The following PLCE1 variants were observed in gnomAD, a reference collection of about 807,000 sequenced individuals.
PLCE1 encodes the protein phospholipase C epsilon 1.
A neutral mutation model predicts 242.8 loss-of-function variants in PLCE1; 119 were observed. The ratio of observed to expected loss-of-function variants is 0.49; its 90% CI spans 0.42 to 0.57. The LOEUF (loss-of-function observed/expected upper bound fraction) is 0.57. Among genes scored for constraint, PLCE1 ranks in the 20% least tolerant of loss-of-function variants. The pLI is 0.00. For missense variants in PLCE1, 2,441 were observed against 2,788.8 expected (o/e 0.88, Z 2.81); for synonymous variants, 945 against 1,017.4 (o/e 0.93, Z 1.35).
chr10:94,171,992 A>G (rs1487126223), intron 4 of PLCE1, among the ~76,000 whole-genome samples: 1 of 152,192 alleles, frequency 6.6e-6, no homozygotes, highest in Non-Finnish European at 1.5e-5. Context: ...GGGGCAGTGA[A>G]TCACCTCGGT....
intron 5 of PLCE1, among the ~76,000 whole-genome samples, chr10:94,229,252 AATT>A (rs1254456114): frequency 7.7e-6 from 1 of 129,180 alleles, no homozygotes; most frequent in African/African-American, 3.0e-5. Context: ...TTAAGAAAAG[AATT>A]ATCATATTTT....
chr10:94,032,166 C>T lies in PLCE1; in HGVS notation c.1120C>T (p.Pro374Ser). The T allele has an allele frequency of 6.2e-7, 1 of 1,610,418 alleles. No individual in the cohort carries two copies. The highest frequency in any genetic ancestry group is 8.5e-7 in the Non-Finnish European group (1 of 1,178,970). ...IDQKRNGPLL[P>S]CGRVMEPPST... Reference sequence around the variant, plus strand: ...TCAGAAGAGAAATGGTCCCTTACTGCCTTGTGGGAGAGTAATGGAACCCCC... The same window carrying T: ...TCAGAAGAGAAATGGTCCCTTACTGTCTTGTGGGAGAGTAATGGAACCCCC... Residue 374 changes from proline to serine, a missense_variant, in exon 2 of 33, where the codon CCT (proline) becomes TCT (serine). Pro to Ser is a moderately conservative substitution (Grantham distance 74, BLOSUM62 -1). Coordinates refer to ENST00000371380, the MANE Select transcript of PLCE1 (RefSeq NM_016341.4).
At chr10:94,050,926 A>T (rs537393713) in intron 2 of PLCE1, among the ~76,000 whole-genome samples, 35 of 152,244 alleles carry the variant, frequency 2.3e-4, no homozygotes, top group African/African-American at 8.2e-4. Flanking sequence ...GCATGAAGTG[A>T]TGGAGAAAAT....
At position 94,259,084 on chromosome 10, in the gene PLCE1, G is replaced by C; in HGVS notation, c.3748G>C (p.Glu1250Gln). Residue 1250 changes from glutamate (E) to glutamine (Q), a missense_variant, in exon 13 of 33, where the codon GAG becomes CAG. By Grantham distance (29) the Glu-to-Gln change is conservative (BLOSUM62 2). This residue lies in a region of PLCE1 where 1,004 missense variants were observed against 1,322.7 expected (regional missense o/e 0.76). Transcript: ENST00000371380. Reference protein sequence around the residue: ...YAVPCNRSGSESAPLYTNLTI... With the variant: ...YAVPCNRSGSQSAPLYTNLTI... ...AGTGCCCTGCAACCGATCTGGCTCCGAGTCAGCCCCACTCTACACCAACCT... is the reference window on the plus strand; with the variant it reads ...AGTGCCCTGCAACCGATCTGGCTCCCAGTCAGCCCCACTCTACACCAACCT... The C allele has an allele frequency of 6.2e-7, 1 of 1,614,004 alleles. No individual in the cohort carries two copies. The highest frequency in any genetic ancestry group is 8.5e-7 in the Non-Finnish European group (1 of 1,179,926).
At chr10:94,204,666 C>T (rs774958758) in intron 4 of PLCE1, among the ~76,000 whole-genome samples, 22 of 140,370 alleles carry the variant, frequency 1.6e-4, no homozygotes, top group Admixed American at 3.7e-4. Context: ...AACTCTGTCC[C>T]GAAAGAAAGA....
chr10:94,235,495 A>G (rs2050291887), intron 6 of PLCE1, among the ~76,000 whole-genome samples: 1 of 151,986 alleles, frequency 6.6e-6, no homozygotes, highest in Non-Finnish European at 1.5e-5. Flanking sequence ...ATAAAGCAAA[A>G]CATCACCTCT....
At chr10:94,111,522 G>T (rs4989596) in intron 2 of PLCE1, among the ~76,000 whole-genome samples, 12 of 152,334 alleles carry the variant, frequency 7.9e-5, no homozygotes, top group African/African-American at 2.9e-4. Flanking sequence ...GCAGCCCTCA[G>T]CTTGCTGGTG....
At chr10:94,327,010 C>CAGTT (rs1403100692) in intron 32 of PLCE1, among the ~76,000 whole-genome samples, 4 of 151,518 alleles carry the variant, frequency 2.6e-5, no homozygotes, top group Non-Finnish European at 5.9e-5. Flanking sequence ...AATACAACAA[C>CAGTT]AGTTAGCTGG....
intron 1 of PLCE1, among the ~76,000 whole-genome samples, chr10:94,009,280 C>A (rs778909293): frequency 6.6e-6 from 1 of 152,044 alleles, no homozygotes; most frequent in Non-Finnish European, 1.5e-5. Context: ...ACAACCAGAT[C>A]TCATGTGAAC....
chr10:94,177,472 C>G (rs1274833149), intron 4 of PLCE1, among the ~76,000 whole-genome samples: 2 of 152,200 alleles, frequency 1.3e-5, no homozygotes, highest in African/African-American at 4.8e-5. Context: ...AGGCTTCATC[C>G]TGCTTTGCTT....
chr10:94,097,335 G>A (rs1050565394), intron 2 of PLCE1, among the ~76,000 whole-genome samples: 1 of 152,110 alleles, frequency 6.6e-6, no homozygotes, highest in African/African-American at 2.4e-5. Context: ...ATTAGGACCT[G>A]TGCTGAAGAA....
In PLCE1 at chr10:94,332,476, C is replaced by T. The variant is rs2054170799; in HGVS notation, c.*4533C>T. 1 of 150,172 alleles carries T rather than the reference C, an allele frequency of 6.7e-6. No homozygotes were observed. Among genetic ancestry groups the T allele is most frequent in the African/African-American group, 2.5e-5 (1 of 40,564 alleles). 9.3% of individuals were successfully genotyped at this position (150,172 alleles called of 1,614,324 possible). ...GTTAAAAAACAAATTAAGGCTGTAGCTTAATATAGCCTCAGGATATGTGTG... is the reference window on the plus strand; with the variant it reads ...GTTAAAAAACAAATTAAGGCTGTAGTTTAATATAGCCTCAGGATATGTGTG... On this transcript the variant is annotated 3_prime_UTR_variant, in exon 33 of 33. Coordinates refer to ENST00000371380, the MANE Select transcript of PLCE1 (RefSeq NM_016341.4).
intron 2 of PLCE1, among the ~76,000 whole-genome samples, chr10:94,067,425 C>T (rs530822353): frequency 3.9e-5 from 6 of 152,300 alleles, no homozygotes; most frequent in Admixed American, 1.3e-4. Flanking sequence ...CCAGAAAGAC[C>T]TCTTCATAAT....
chr10:94,164,804 T>C (rs2047736989), intron 3 of PLCE1, among the ~76,000 whole-genome samples: 1 of 152,220 alleles, frequency 6.6e-6, no homozygotes, highest in African/African-American at 2.4e-5. Flanking sequence ...GACGTACAGA[T>C]GGGGTTTTGA....
intron 2 of PLCE1, among the ~76,000 whole-genome samples, chr10:94,078,566 C>A (rs2044570176): frequency 6.6e-6 from 1 of 151,978 alleles, no homozygotes; most frequent in Non-Finnish European, 1.5e-5. Flanking sequence ...CAACTCACTG[C>A]AACCTCCCCT....
At chr10:94,191,762 G>C (rs890060926) in intron 4 of PLCE1, among the ~76,000 whole-genome samples, 5 of 152,196 alleles carry the variant, frequency 3.3e-5, no homozygotes, top group Non-Finnish European at 7.3e-5. Flanking sequence ...ATGAAGTTGA[G>C]TTATTTGTTG....
intron 13 of PLCE1, among the ~76,000 whole-genome samples, chr10:94,259,732 C>T (rs757970594): frequency 5.9e-5 from 9 of 152,084 alleles, no homozygotes; most frequent in Non-Finnish European, 1.2e-4. Context: ...AACCAAAAAC[C>T]CTTTCCCGAC....
At chr10:94,323,715 T>C (rs2053906798) in intron 30 of PLCE1, among the ~76,000 whole-genome samples, 1 of 152,244 alleles carries the variant, frequency 6.6e-6, no homozygotes, top group Non-Finnish European at 1.5e-5. Context: ...AGCCATCTTA[T>C]TCAACTGACT....
chr10:94,047,900 G>T (rs1320879361), intron 2 of PLCE1, among the ~76,000 whole-genome samples: 1 of 151,912 alleles, frequency 6.6e-6, no homozygotes, highest in East Asian at 1.9e-4. Context: ...GTATTCTTAA[G>T]AACTGTATAT....
Sources: allele counts gnomAD v4.1 joint callset (sites outside exome capture counted in the v4.1 genomes callset), GRCh38; gene constraint gnomAD v4.1.1; regional missense constraint gnomAD v4.1.1; transcripts MANE v1.5; gene names NCBI Gene and HGNC (gene_info 2026-07-23, HGNC 2026-07-21).